The following ORMDL1 variants were observed in gnomAD, a reference collection of about 807,000 sequenced individuals.
The protein encoded by ORMDL1 is ORM1-like protein 1.
Under a neutral mutation model 13.0 loss-of-function variants are expected in ORMDL1, and 10 were observed. The observed-to-expected ratio is 0.77, with a 90% CI of 0.47 to 1.30. The LOEUF is 1.30. Among genes scored for constraint, ORMDL1 ranks in the 50% most tolerant of loss-of-function variants. The pLI, the probability that ORMDL1 is intolerant of heterozygous loss-of-function variation, is 0.00. For missense variants in ORMDL1, 171 were observed against 186.7 expected (o/e 0.92, Z 0.49); for synonymous variants, 61 against 63.9 (o/e 0.95, Z 0.22).
chr2:189,767,631 TTTAAGA>T (rs1474774361), downstream of ORMDL1, among the ~76,000 whole-genome samples: 2 of 152,230 alleles, frequency 1.3e-5, no homozygotes, highest in Non-Finnish European at 2.9e-5. Flanking sequence ...AGTTCTTGTA[TTTAAGA>T]TTATTTTATC....
intron 3 of ORMDL1, among the ~76,000 whole-genome samples, chr2:189,776,901 A>G (rs1015031374): frequency 9.4e-5 from 13 of 138,328 alleles, no homozygotes; most frequent in Non-Finnish European, 1.6e-4. Flanking sequence ...GATGATAAGG[A>G]AAAAAAATGC....
At chr2:189,764,693 G>GT in the ORMDL1 span, among the ~76,000 whole-genome samples, 1 of 152,152 alleles carries the variant, frequency 6.6e-6, no homozygotes, top group Non-Finnish European at 1.5e-5. Context: ...TATGGCCTAT[G>GT]TAAGTTCAAC....
chr2:189,781,960 T>G (rs1380097265), intron 3 of ORMDL1, among the ~76,000 whole-genome samples: 1 of 127,810 alleles, frequency 7.8e-6, no homozygotes, highest in South Asian at 2.6e-4. Context: ...TTTTTTTTTT[T>G]GAGACGAAAT....
chr2:189,773,454 G>A (rs888722885), intron 4 of ORMDL1, among the ~76,000 whole-genome samples: 17 of 152,144 alleles, frequency 1.1e-4, no homozygotes, highest in African/African-American at 3.6e-4. Flanking sequence ...GGAATATGGT[G>A]GCTCACCCTG....
downstream of ORMDL1, among the ~76,000 whole-genome samples, chr2:189,766,615 G>T (rs1338475677): frequency 6.6e-6 from 1 of 151,998 alleles, no homozygotes; most frequent in Admixed American, 6.5e-5. Context: ...TCCCAGCTAC[G>T]TGGGAGGCTG....
downstream of ORMDL1, among the ~76,000 whole-genome samples, chr2:189,768,666 G>T (rs1285130151): frequency 2.0e-5 from 3 of 152,162 alleles, no homozygotes; most frequent in East Asian, 3.8e-4. Context: ...TCAGTGATAT[G>T]TGGTTGTCAA....
Position 189,782,733 on chromosome 2 carries a change from C to T in ORMDL1, c.-7-131G>A, listed in dbSNP as rs986449549. On this transcript the variant is annotated intron_variant, in intron 2 of 4. Transcript: ENST00000392349. The stretch of plus-strand genomic sequence containing the variant: ...TTACTTTGAAGTAGCACACAAACAC[C>T]ATCCAAAATATGCTACTTGTAGATG... 3 of 702,744 alleles carry T rather than the reference C, an allele frequency of 4.3e-6. No individual in the cohort carries two copies. The African/African-American group carries it at 5.3e-5, about 12-fold the overall frequency. 43.5% of individuals were successfully genotyped at this position (702,744 alleles called of 1,614,324 possible). A position where few individuals can be genotyped will look rare whatever the true frequency, so the allele number is the denominator to read the frequency against.
intron 3 of ORMDL1, among the ~76,000 whole-genome samples, chr2:189,777,996 T>C (rs1040703571): frequency 1.3e-5 from 2 of 152,228 alleles, no homozygotes; most frequent in African/African-American, 4.8e-5. Context: ...AAGTTTTTAG[T>C]GTGGTGAACT....
chr2:189,773,599 G>A (rs1295050674), intron 4 of ORMDL1, among the ~76,000 whole-genome samples: 1 of 151,932 alleles, frequency 6.6e-6, no homozygotes, highest in Non-Finnish European at 1.5e-5. Flanking sequence ...GTGCACGCCT[G>A]TAGTCCCAGC....
intron 3 of ORMDL1, among the ~76,000 whole-genome samples, chr2:189,779,995 T>C (rs568444018): frequency 6.6e-6 from 1 of 152,328 alleles, no homozygotes; most frequent in East Asian, 1.9e-4. Context: ...ACAGGTTGAG[T>C]ATTCCTTATC....
intron 3 of ORMDL1, among the ~76,000 whole-genome samples, chr2:189,777,059 T>C (rs147662166): frequency 6.6e-6 from 1 of 152,340 alleles, no homozygotes; most frequent in East Asian, 1.9e-4. Context: ...TCAGCTCAAA[T>C]AACAATTCCT....
At chr2:189,781,924 T>TA (rs2047847077) in intron 3 of ORMDL1, among the ~76,000 whole-genome samples, 1 of 145,706 alleles carries the variant, frequency 6.9e-6, no homozygotes, top group Non-Finnish European at 1.5e-5. Context: ...ACACATGTCA[T>TA]AAAGTTTACC....
chr2:189,776,860 C>T (rs529971437), intron 3 of ORMDL1, among the ~76,000 whole-genome samples: 2 of 151,956 alleles, frequency 1.3e-5, no homozygotes, highest in South Asian at 2.1e-4. Flanking sequence ...TGAGATGTAC[C>T]CAAGCCTTGG....
At chr2:189,776,810 T>C (rs1430271035) in intron 3 of ORMDL1, among the ~76,000 whole-genome samples, 2 of 152,072 alleles carry the variant, frequency 1.3e-5, no homozygotes, top group East Asian at 1.9e-4. Context: ...GTGGCTTATA[T>C]GTACAAGACA....
rs893681312 is a variant in ORMDL1, at chr2:189,777,849, G to A, written c.175-2133C>T. On this transcript the variant is annotated intron_variant, in intron 3 of 4. Coordinates refer to ENST00000392349, the MANE Select transcript of ORMDL1 (RefSeq NM_016467.5). ...GCAAATATACTGTATTTTTCTAACC[G>A]GGTGTAACAATTAGGTCCATTTTCT... Among the ~76,000 whole-genome samples, 6 of 152,096 alleles carry A rather than the reference G, an allele frequency of 3.9e-5. No homozygotes were observed. The South Asian group carries it at 8.3e-4, about 21-fold the overall frequency.
chr2:189,783,118 T>C lies in ORMDL1; in HGVS notation c.-112A>G, dbSNP rs5742918. On this transcript the variant is annotated 5_prime_UTR_variant, in exon 2 of 5. Coordinates refer to ENST00000392349, the MANE Select transcript of ORMDL1 (RefSeq NM_016467.5). ...CTTTCTGAATACTCAATGTGGAAGGTACATGCTGTTGACATAATGTGGTGT... is the reference window on the plus strand; with the variant it reads ...CTTTCTGAATACTCAATGTGGAAGGCACATGCTGTTGACATAATGTGGTGT... 1,580 of 153,550 alleles carry C rather than the reference T, an allele frequency of 0.01. 35 individuals are homozygous for C. Among genetic ancestry groups the C allele is most frequent in the African/African-American group, 0.036 (1,508 of 41,574 alleles). 9.5% of individuals were successfully genotyped at this position (153,550 alleles called of 1,614,324 possible).
the ORMDL1 span, chr2:189,765,164 A>G: frequency 4.6e-5 from 7 of 152,152 alleles, no homozygotes; most frequent in Non-Finnish European, 8.8e-5. Flanking sequence ...TTTCCTAATT[A>G]TGTCCTACTA....
At chr2:189,766,569 C>A (rs141487010), downstream of ORMDL1, among the ~76,000 whole-genome samples, 1,521 of 152,108 alleles carry the variant, frequency 1.0e-2, 12 homozygotes, top group Non-Finnish European at 0.017. Context: ...ACTAAGAATA[C>A]AAAAATTAGC....
intron 4 of ORMDL1, among the ~76,000 whole-genome samples, chr2:189,772,625 A>G (rs892443457): frequency 1.3e-5 from 2 of 152,232 alleles, no homozygotes; most frequent in African/African-American, 4.8e-5. Context: ...TATCATATCA[A>G]GGTGCAGACA....
Sources: allele counts gnomAD v4.1 joint callset (sites outside exome capture counted in the v4.1 genomes callset), GRCh38; gene constraint gnomAD v4.1.1; transcripts MANE v1.5; gene names NCBI Gene and HGNC (gene_info 2026-07-23, HGNC 2026-07-21).